Variants in GPR158 observed in about 807,000 individuals in gnomAD.
The protein encoded by GPR158 is G protein-coupled receptor 158, also known as metabotropic glycine receptor.
A neutral mutation model predicts 78.2 loss-of-function variants in GPR158; 30 were observed. The ratio of observed to expected loss-of-function variants is 0.38; its 90% confidence interval spans 0.29 to 0.52. The LOEUF (loss-of-function observed/expected upper bound fraction) is 0.52, where lower values mean the gene tolerates loss of function less well. Ranked by LOEUF, GPR158 falls within the 20% of genes least tolerant of loss-of-function variation. The probability of loss-of-function intolerance (pLI) is 0.83; values close to 1 mark genes in which losing one functional copy is unlikely to be tolerated. For missense variants in GPR158, 1,463 were observed against 1,523.5 expected (o/e 0.96, Z 0.66); for synonymous variants, 581 against 591.1 (o/e 0.98, Z 0.25).
chr10:25,299,879 T>A (rs1854566259), intron 2 of GPR158, among the ~76,000 whole-genome samples: 1 of 152,030 alleles, frequency 6.6e-6, no homozygotes. Context: ...CAGGCTGGAG[T>A]GCGGTATCAT....
chr10:25,194,201 G>A (rs1227622216), intron 1 of GPR158, among the ~76,000 whole-genome samples: 24 of 152,146 alleles, frequency 1.6e-4, no homozygotes. Flanking sequence ...GGTCAGGGCT[G>A]CTGAAAGAAC....
chr10:25,193,885 T>TA (rs111919496), intron 1 of GPR158, among the ~76,000 whole-genome samples: 14,500 of 115,576 alleles, frequency 0.13, 1,901 homozygotes, highest in African/African-American at 0.34. Context: ...GGTAAAGGGG[T>TA]AAAAAAAAAA....
chr10:25,231,659 C>T (rs985000721), intron 2 of GPR158, among the ~76,000 whole-genome samples: 1 of 152,118 alleles, frequency 6.6e-6, no homozygotes, highest in East Asian at 1.9e-4. Flanking sequence ...AATTAAAAGG[C>T]TGGTGTTAAT....
intron 5 of GPR158, among the ~76,000 whole-genome samples, chr10:25,536,618 G>T (rs1461770866): frequency 5.3e-5 from 8 of 152,124 alleles, no homozygotes; most frequent in Non-Finnish European, 1.5e-5. Flanking sequence ...CATTTCTTGA[G>T]AAATATATTT....
intron 4 of GPR158, among the ~76,000 whole-genome samples, chr10:25,429,020 A>G (rs1003540148): frequency 2.6e-5 from 4 of 152,030 alleles, no homozygotes; most frequent in Non-Finnish European, 5.9e-5. Context: ...AGCATGGCCA[A>G]TGGAACTGTT....
At chr10:25,479,685 G>A (rs1232648445) in intron 5 of GPR158, among the ~76,000 whole-genome samples, 1 of 152,054 alleles carries the variant, frequency 6.6e-6, no homozygotes, top group African/African-American at 2.4e-5. Context: ...ATAGTGCTGG[G>A]ATTACAGGTA....
chr10:25,477,991 C>A (rs1172766609), intron 5 of GPR158, among the ~76,000 whole-genome samples: 3 of 152,096 alleles, frequency 2.0e-5, no homozygotes, highest in African/African-American at 7.2e-5. Context: ...TCCATTTATC[C>A]ACTTGGCTTG....
chr10:25,432,048 A>T (rs1267686889), intron 4 of GPR158, among the ~76,000 whole-genome samples: 1 of 152,192 alleles, frequency 6.6e-6, no homozygotes, highest in African/African-American at 2.4e-5. Context: ...TTAGAACTAA[A>T]TGTAACATTT....
intron 2 of GPR158, among the ~76,000 whole-genome samples, chr10:25,241,897 C>T (rs1269590913): frequency 6.6e-6 from 1 of 152,160 alleles, no homozygotes; most frequent in East Asian, 1.9e-4. Flanking sequence ...TGTATCTAGA[C>T]CCATTAGTTG....
intron 4 of GPR158, among the ~76,000 whole-genome samples, chr10:25,450,435 G>T (rs963722248): frequency 4.2e-5 from 6 of 143,156 alleles, no homozygotes; most frequent in Non-Finnish European, 9.3e-5. Flanking sequence ...TATTGGCATT[G>T]TGAGTTTTTT....
chr10:25,461,571 C>T (rs1335708613), intron 4 of GPR158, among the ~76,000 whole-genome samples: 2 of 152,132 alleles, frequency 1.3e-5, no homozygotes, highest in African/African-American at 4.8e-5. Flanking sequence ...ATCTCTATAA[C>T]ATAAAAGTGT....
At chr10:25,355,131 A>T (rs531349108) in intron 2 of GPR158, among the ~76,000 whole-genome samples, 4 of 152,088 alleles carry the variant, frequency 2.6e-5, no homozygotes, top group Non-Finnish European at 5.9e-5. Flanking sequence ...TTATTTTTTT[A>T]AATAAGCTTT....
chr10:25,527,413 GAATTA>G (rs1247888176), intron 5 of GPR158, among the ~76,000 whole-genome samples: 2 of 152,064 alleles, frequency 1.3e-5, no homozygotes, highest in South Asian at 2.1e-4. Flanking sequence ...ACTTCAATTT[GAATTA>G]AATTAGTAAT....
At chr10:25,595,399 A>T (rs1837386415) in intron 9 of GPR158, among the ~76,000 whole-genome samples, 1 of 152,246 alleles carries the variant, frequency 6.6e-6, no homozygotes, top group Non-Finnish European at 1.5e-5. Flanking sequence ...CTATACTGAG[A>T]TTATTTAATA....
At chr10:25,405,282 T>C (rs965295319) in intron 3 of GPR158, among the ~76,000 whole-genome samples, 2 of 152,046 alleles carry the variant, frequency 1.3e-5, no homozygotes, top group South Asian at 2.1e-4. Flanking sequence ...TCATTAATTA[T>C]ATAAATTTAA....
intron 2 of GPR158, among the ~76,000 whole-genome samples, chr10:25,260,180 G>A (rs886274172): frequency 6.6e-6 from 1 of 151,998 alleles, no homozygotes; most frequent in African/African-American, 2.4e-5. Flanking sequence ...TTGTTTGTTT[G>A]TCAGGCATAC....
intron 5 of GPR158, among the ~76,000 whole-genome samples, chr10:25,512,585 G>A (rs1255549236): frequency 6.6e-6 from 1 of 152,138 alleles, no homozygotes; most frequent in African/African-American, 2.4e-5. Flanking sequence ...AGTGGTAAAA[G>A]TGGTCAGCCT....
At chr10:25,585,171 G>C (rs1247711818) in intron 7 of GPR158, among the ~76,000 whole-genome samples, 1 of 152,182 alleles carries the variant, frequency 6.6e-6, no homozygotes, top group Non-Finnish European at 1.5e-5. Flanking sequence ...AGAAACTAAA[G>C]GCTAATGGCT....
At chr10:25,366,035 T>C (rs1855718215) in intron 2 of GPR158, among the ~76,000 whole-genome samples, 1 of 151,774 alleles carries the variant, frequency 6.6e-6, no homozygotes, top group South Asian at 2.1e-4. Context: ...GATACATCCA[T>C]CTTGTATATA....
Sources: gnomAD v4.1 joint callset for allele counts (sites outside exome capture counted in the v4.1 genomes callset) on GRCh38, gnomAD v4.1.1 for gene constraint, MANE v1.5 for transcripts, NCBI Gene and HGNC (gene_info 2026-07-23, HGNC 2026-07-21) for gene names.